ERP44: variants seen among roughly 807,000 people sequenced by gnomAD.
ERP44 encodes endoplasmic reticulum resident protein 44.
In ERP44, 25 loss-of-function variants were observed where a neutral mutation model predicts 53.4. The ratio of observed to expected loss-of-function variants is 0.47; its 90% CI spans 0.34 to 0.65. The LOEUF is 0.65. Among genes scored for constraint, ERP44 ranks in the 30% least tolerant of loss-of-function variants. ERP44 has a pLI of 0.01. For synonymous variants in ERP44, 145 were observed against 161.2 expected, an observed-to-expected ratio of 0.90 and a Z score of 0.76; for missense variants, 338 against 493.2, an observed-to-expected ratio of 0.69 and a Z score of 2.98.
chr9:100,093,653 A>G (rs563331790), intron 1 of ERP44, among the ~76,000 whole-genome samples: 204 of 151,742 alleles, frequency 1.3e-3, no homozygotes, highest in African/African-American at 4.7e-3. Context: ...TGGGGGGGGA[A>G]AAAAAAAGAA....
intron 1 of ERP44, among the ~76,000 whole-genome samples, chr9:100,068,123 G>A: frequency 6.7e-6 from 1 of 148,228 alleles, no homozygotes; most frequent in South Asian, 2.1e-4. Context: ...TCCAGGAGGT[G>A]AGGGGCGCCT....
At chr9:99,997,311 ATTTT>A (rs1206568623) in intron 10 of ERP44, among the ~76,000 whole-genome samples, 4 of 152,200 alleles carry the variant, frequency 2.6e-5, no homozygotes, top group African/African-American at 9.6e-5. Context: ...ACTTTTTAAA[ATTTT>A]TTTATTATGG....
chr9:100,061,547 TATATATTTATAGAAAC>T (rs1826149256), intron 1 of ERP44, among the ~76,000 whole-genome samples: 2 of 147,204 alleles, frequency 1.4e-5, no homozygotes, highest in African/African-American at 4.9e-5. Flanking sequence ...TATAGAAACG[TATATATTTATAGAAAC>T]GTATATATTT....
chr9:100,092,141 A>T (rs1477655581), intron 1 of ERP44, among the ~76,000 whole-genome samples: 3 of 152,354 alleles, frequency 2.0e-5, no homozygotes, highest in Admixed American at 1.3e-4. Context: ...GCCATAGATG[A>T]GTTCCTCTCT....
At chr9:100,079,491 T>G (rs1826397551) in intron 1 of ERP44, among the ~76,000 whole-genome samples, 1 of 151,240 alleles carries the variant, frequency 6.6e-6, no homozygotes, top group South Asian at 2.1e-4. Context: ...TAGAGAACCC[T>G]AATACAAACA....
chr9:100,044,732 A>C (rs1386827294), intron 4 of ERP44, among the ~76,000 whole-genome samples: 1 of 152,184 alleles, frequency 6.6e-6, no homozygotes, highest in African/African-American at 2.4e-5. Flanking sequence ...CAAGGAAGTA[A>C]GGCGCTCCTA....
chr9:99,995,481 C>G (rs962349297), intron 10 of ERP44, among the ~76,000 whole-genome samples: 1 of 152,150 alleles, frequency 6.6e-6, no homozygotes, highest in Non-Finnish European at 1.5e-5. Context: ...TTATAGATGC[C>G]CTTTGAAAGA....
Position 99,985,485 on chromosome 9 carries a change from T to C in ERP44, c.1017-416A>G, listed in dbSNP as rs112213777. Among the ~76,000 whole-genome samples, 1,217 of 152,326 alleles carry C rather than the reference T, an allele frequency of 8.0e-3. 19 individuals are homozygous for C. Among genetic ancestry groups the C allele is most frequent in the African/African-American group, 0.027 (1,126 of 41,564 alleles). ...TAGTTAGGGGCTAACCACTGAAAAC[T>C]ATGCAGCTTTGTAACCAAAGCACTA... On this transcript the variant is annotated intron_variant, in intron 10 of 11. Transcript: ENST00000262455.
chr9:100,001,873 T>C (rs1346746562), intron 10 of ERP44, among the ~76,000 whole-genome samples: 1 of 152,180 alleles, frequency 6.6e-6, no homozygotes, highest in Admixed American at 6.5e-5. Flanking sequence ...CACTGGTTGT[T>C]TTGTAGATCC....
intron 1 of ERP44, among the ~76,000 whole-genome samples, chr9:100,091,825 G>T (rs1826560698): frequency 6.6e-6 from 1 of 152,168 alleles, no homozygotes; most frequent in African/African-American, 2.4e-5. Flanking sequence ...GATTCAGTAG[G>T]TCTGAGGTGA....
At chr9:99,984,458 C>T (rs1416141095) in intron 11 of ERP44, among the ~76,000 whole-genome samples, 1 of 151,990 alleles carries the variant, frequency 6.6e-6, no homozygotes, top group Non-Finnish European at 1.5e-5. Flanking sequence ...AAATAGTTGT[C>T]AAGTATTCTA....
At chr9:100,014,952 G>C (rs1013736877) in intron 8 of ERP44, among the ~76,000 whole-genome samples, 1 of 152,204 alleles carries the variant, frequency 6.6e-6, no homozygotes, top group Non-Finnish European at 1.5e-5. Context: ...GTCAGTTCTA[G>C]TGAGAGCTGT....
chr9:100,071,936 AC>A (rs1826311055), intron 1 of ERP44, among the ~76,000 whole-genome samples: 1 of 152,050 alleles, frequency 6.6e-6, no homozygotes, highest in South Asian at 2.1e-4. Flanking sequence ...AAAAAAATAA[AC>A]CTCTGTGTTT....
chr9:99,984,941 C>T (rs1290547435), intron 11 of ERP44, 26 bp downstream of exon 11: 2 of 1,434,328 alleles, frequency 1.4e-6, no homozygotes, highest in South Asian at 2.4e-5. Context: ...AAAGAGTTCT[C>T]ATTGAAAAAT....
intron 11 of ERP44, among the ~76,000 whole-genome samples, chr9:99,984,412 G>GT (rs1354521843): frequency 6.6e-6 from 1 of 151,172 alleles, no homozygotes; most frequent in Non-Finnish European, 1.5e-5. Context: ...AAATTCTCAG[G>GT]TAAAAAAAAA....
rs964537700 is a variant in ERP44 at position 100,006,752 on chromosome 9, A to G, written c.875-105T>C. ...TGACATACTAAAAAAAAAGCACCCA[A>G]CATTCTTAAGAGTAATATAGATCAG... On this transcript the variant is annotated intron_variant, in intron 9 of 11. Coordinates refer to ENST00000262455, the MANE Select transcript of ERP44 (RefSeq NM_015051.3). 4.2e-5 allele frequency: 31 copies of G among 738,806 alleles called. No homozygotes were observed. In the African/African-American group the frequency reaches 5.2e-4, roughly 12 times the overall value. 45.8% of individuals were successfully genotyped at this position (738,806 alleles called of 1,614,324 possible).
At chr9:100,014,793 C>A (rs973462143) in intron 8 of ERP44, among the ~76,000 whole-genome samples, 10 of 152,240 alleles carry the variant, frequency 6.6e-5, no homozygotes, top group African/African-American at 2.4e-4. Context: ...TACTTACTAT[C>A]TGACCCTTTG....
At chr9:99,997,444 C>T (rs1396487516) in intron 10 of ERP44, among the ~76,000 whole-genome samples, 1 of 151,834 alleles carries the variant, frequency 6.6e-6, no homozygotes, top group Non-Finnish European at 1.5e-5. Flanking sequence ...TGGTTAAAAT[C>T]GCAGTGCCAA....
intron 1 of ERP44, among the ~76,000 whole-genome samples, chr9:100,067,738 G>A (rs1240725110): frequency 6.6e-6 from 1 of 151,804 alleles, no homozygotes; most frequent in East Asian, 1.9e-4. Flanking sequence ...TCCCATCTAG[G>A]AAGTGAGGAG....
Sources: gnomAD v4.1 joint callset for allele counts (sites outside exome capture counted in the v4.1 genomes callset) on GRCh38, gnomAD v4.1.1 for gene constraint, MANE v1.5 for transcripts, NCBI Gene and HGNC (gene_info 2026-07-23, HGNC 2026-07-21) for gene names.